The following LUZP2 variants were observed in gnomAD, a reference collection of about 807,000 sequenced individuals.
LUZP2 encodes leucine zipper protein 2.
Under a neutral mutation model 51.6 loss-of-function variants are expected in LUZP2, and 52 were observed. The ratio of observed to expected loss-of-function variants is 1.01; its 90% CI spans 0.81 to 1.27. The LOEUF is 1.27. LUZP2 is among the 50% of genes most tolerant of loss of function. The pLI, the probability that LUZP2 is intolerant of heterozygous loss-of-function variation, is 0.00. For synonymous variants in LUZP2, 154 were observed against 137.3 expected (o/e 1.12, Z -0.85); for missense variants, 436 against 395.4 (o/e 1.10, Z -0.87).
Position 24,698,272 on chromosome 11 carries a change from G to T in LUZP2, c.63-30897G>T, listed in dbSNP as rs115057969. Among the ~76,000 whole-genome samples the T allele has an allele frequency of 2.3e-3, 350 of 152,280 alleles. 1 individual carries two copies. The highest frequency in any genetic ancestry group is 7.9e-3 in the African/African-American group (327 of 41,550). On this transcript the variant is annotated intron_variant, in intron 1 of 11. Coordinates refer to ENST00000336930, the MANE Select transcript of LUZP2 (RefSeq NM_001009909.4). ...TTCAGCCTACCCTCCAAAAATGAGGGTGCTGAAATTTTATCCATATTAATG... is the reference window on the plus strand; with the variant it reads ...TTCAGCCTACCCTCCAAAAATGAGGTTGCTGAAATTTTATCCATATTAATG...
chr11:24,976,541 C>A (rs759675888), intron 7 of LUZP2, 50 bp from the exon 8 acceptor site: 2 of 1,258,882 alleles, frequency 1.6e-6, no homozygotes, highest in Non-Finnish European at 2.2e-6. Flanking sequence ...GCTTAAAGTA[C>A]AGAGGGAAAT....
At chr11:24,576,280 G>A (rs1406658579) in intron 1 of LUZP2, among the ~76,000 whole-genome samples, 1 of 151,720 alleles carries the variant, frequency 6.6e-6, no homozygotes, top group Admixed American at 6.6e-5. Flanking sequence ...AGGCATGATG[G>A]CATGTGCCTG....
At chr11:24,529,382 AG>A (rs1850922216) in intron 1 of LUZP2, among the ~76,000 whole-genome samples, 1 of 151,072 alleles carries the variant, frequency 6.6e-6, no homozygotes, top group African/African-American at 2.4e-5. Context: ...TAGCTTTCCA[AG>A]GGGAAAACAT....
intron 1 of LUZP2, among the ~76,000 whole-genome samples, chr11:24,712,252 C>A (rs1857856878): frequency 6.6e-6 from 1 of 151,910 alleles, no homozygotes; most frequent in Non-Finnish European, 1.5e-5. Flanking sequence ...GAGACCCCAT[C>A]TCTGTAAAAA....
At chr11:24,697,000 A>G (rs1214420121) in intron 1 of LUZP2, among the ~76,000 whole-genome samples, 1 of 152,128 alleles carries the variant, frequency 6.6e-6, no homozygotes, top group Non-Finnish European at 1.5e-5. Context: ...AAAGATTAGC[A>G]TGGCTAGAGT....
At chr11:24,608,885 A>AAT (rs199982119) in intron 1 of LUZP2, among the ~76,000 whole-genome samples, 4,209 of 152,084 alleles carry the variant, frequency 0.028, 195 homozygotes, top group African/African-American at 0.096. Context: ...TCATTTTTCA[A>AAT]ATATATATAT....
intron 4 of LUZP2, among the ~76,000 whole-genome samples, chr11:24,748,278 G>T (rs1859450670): frequency 6.6e-6 from 1 of 151,960 alleles, no homozygotes; most frequent in Admixed American, 6.6e-5. Context: ...CTCAGCTCCA[G>T]GTAAGGTTGG....
intron 7 of LUZP2, among the ~76,000 whole-genome samples, chr11:24,972,217 A>G (rs7127857): frequency 0.99 from 148,269 of 149,282 alleles, 73,647 homozygotes; most frequent in Middle Eastern, 1. Context: ...TATTTTTGTT[A>G]GAATTTATTC....
At chr11:24,843,826 AAG>A (rs1851112206) in intron 5 of LUZP2, among the ~76,000 whole-genome samples, 1 of 152,126 alleles carries the variant, frequency 6.6e-6, no homozygotes, top group South Asian at 2.1e-4. Context: ...GTTTTAAAAA[AAG>A]AGAGTTTCTC....
At chr11:24,875,463 T>C (rs1852221266) in intron 5 of LUZP2, among the ~76,000 whole-genome samples, 1 of 136,978 alleles carries the variant, frequency 7.3e-6, no homozygotes, top group Admixed American at 7.6e-5. Flanking sequence ...TAGTATTCCA[T>C]GGTGTATATG....
rs1857504955 is a variant in LUZP2 at position 25,026,776 on chromosome 11, T to C, written c.766-23262T>C. Among the ~76,000 whole-genome samples, 4 of 152,196 alleles carry C rather than the reference T, an allele frequency of 2.6e-5. No individual in the cohort carries two copies. The South Asian group carries it at 8.3e-4, about 32-fold the overall frequency. On this transcript the variant is annotated intron_variant, in intron 9 of 11. Transcript: ENST00000336930. ...AGAGTTCTGTATATAACAACTGTCA[T>C]TGCTATCCACCCTATCTCCGAGAAA...
At chr11:24,592,267 A>G (rs1452005355) in intron 1 of LUZP2, among the ~76,000 whole-genome samples, 1 of 152,214 alleles carries the variant, frequency 6.6e-6, no homozygotes, top group Non-Finnish European at 1.5e-5. Flanking sequence ...TCATTCAATT[A>G]CAGCTACTCT....
chr11:24,880,937 A>T, intron 5 of LUZP2, among the ~76,000 whole-genome samples: 1 of 152,170 alleles, frequency 6.6e-6, no homozygotes, highest in East Asian at 1.9e-4. Context: ...TATGGAAAGC[A>T]CTTTGTAGAC....
At chr11:24,747,453 G>GT (rs1254164529) in intron 4 of LUZP2, among the ~76,000 whole-genome samples, 2 of 152,142 alleles carry the variant, frequency 1.3e-5, no homozygotes, top group Non-Finnish European at 2.9e-5. Context: ...GGAGGTGGCA[G>GT]TTGGGGGTGA....
chr11:24,953,350 GA>G (rs1035670238), intron 7 of LUZP2, among the ~76,000 whole-genome samples: 18 of 150,378 alleles, frequency 1.2e-4, no homozygotes, highest in South Asian at 4.2e-4. Flanking sequence ...ATTCACACAG[GA>G]AAAAAAAATA....
At chr11:24,595,086 AT>A (rs1233717886) in intron 1 of LUZP2, among the ~76,000 whole-genome samples, 2 of 150,796 alleles carry the variant, frequency 1.3e-5, no homozygotes, top group African/African-American at 4.9e-5. Context: ...CTTAGAAGAT[AT>A]TTTTCAGGCC....
At chr11:25,062,388 C>A (rs1858863904) in intron 10 of LUZP2, among the ~76,000 whole-genome samples, 1 of 150,008 alleles carries the variant, frequency 6.7e-6, no homozygotes, top group African/African-American at 2.4e-5. Context: ...AGTTTGAGAC[C>A]AGCCTGGGAA....
intron 5 of LUZP2, among the ~76,000 whole-genome samples, chr11:24,771,602 A>G (rs1860421456): frequency 6.6e-6 from 1 of 151,594 alleles, no homozygotes; most frequent in Non-Finnish European, 1.5e-5. Context: ...GAATTACATG[A>G]ATTAAGAAAA....
intron 7 of LUZP2, among the ~76,000 whole-genome samples, chr11:24,946,026 T>C (rs986750155): frequency 3.3e-5 from 5 of 152,048 alleles, no homozygotes; most frequent in African/African-American, 1.2e-4. Context: ...TCCCTGATGA[T>C]TTTCATATTT....
Sources: gnomAD v4.1 joint callset for allele counts (sites outside exome capture counted in the v4.1 genomes callset) on GRCh38, gnomAD v4.1.1 for gene constraint, MANE v1.5 for transcripts, NCBI Gene and HGNC (gene_info 2026-07-23, HGNC 2026-07-21) for gene names.